LRRK1: variants seen among roughly 807,000 people sequenced by gnomAD.
The protein encoded by LRRK1 is leucine-rich repeat serine/threonine-protein kinase 1.
A neutral mutation model predicts 209.1 loss-of-function variants in LRRK1; 113 were observed. The ratio of observed to expected loss-of-function variants is 0.54; its 90% CI spans 0.46 to 0.63. LRRK1 has a LOEUF of 0.63. LRRK1 is among the 30% of genes least tolerant of loss of function. LRRK1 has a pLI of 0.00. For synonymous variants in LRRK1, 1,144 were observed against 1,099.7 expected (o/e 1.04, Z -0.80); for missense variants, 2,284 against 2,632.2 (o/e 0.87, Z 2.89).
intron 27 of LRRK1, among the ~76,000 whole-genome samples, chr15:101,056,523 A>AGAT: frequency 6.6e-6 from 1 of 152,274 alleles, no homozygotes; most frequent in East Asian, 1.9e-4. Flanking sequence ...ATAGGAAGAC[A>AGAT]GATGGATAAA....
At chr15:101,048,796 A>C (rs1567265168) in intron 22 of LRRK1, 139 bp downstream of exon 22, 1 of 640,434 alleles carries the variant, frequency 1.6e-6, no homozygotes. Context: ...AGCTTGCTAG[A>C]AATGTGAGGC....
At chr15:100,920,977 T>C (rs1334348706) in intron 1 of LRRK1, among the ~76,000 whole-genome samples, 1 of 152,120 alleles carries the variant, frequency 6.6e-6, no homozygotes, top group Non-Finnish European at 1.5e-5. Context: ...GCCTCCTGAC[T>C]CTTCACACAG....
At chr15:101,066,883 G>A (rs1272993142) in intron 33 of LRRK1, 142 bp downstream of exon 33, 14 of 787,810 alleles carry the variant, frequency 1.8e-5, no homozygotes, top group African/African-American at 3.4e-5. Flanking sequence ...AAGGCAAAGT[G>A]GAAACAAGAT....
At chr15:100,926,684 T>C (rs868470302) in intron 2 of LRRK1, among the ~76,000 whole-genome samples, 6,514 of 79,988 alleles carry the variant, frequency 0.081, 209 homozygotes, top group Non-Finnish European at 0.11. Flanking sequence ...TTTTTTCTTT[T>C]TTTTTTTTTT....
rs1334129810 is a variant in LRRK1 at position 101,014,177 on chromosome 15, C to A, written c.1420-139C>A. The A allele has an allele frequency of 4.5e-6, 3 of 661,092 alleles. No individual in the cohort carries two copies. In the South Asian group the frequency reaches 5.7e-5, roughly 12 times the overall value. The allele number at this position is 661,092 out of a possible 1,614,324, so 41.0% of individuals were successfully genotyped here. ...TTTGAAGAGGCTGCTGGGCCCCACA[C>A]AGCTGGGATCTGCGTGAAGGAAAAT... is the stretch of plus-strand genomic sequence containing the variant. On this transcript the variant is annotated intron_variant, in intron 10 of 33. Transcript: ENST00000388948.
At chr15:100,952,192 A>G (rs1171165716) in intron 2 of LRRK1, among the ~76,000 whole-genome samples, 1 of 152,202 alleles carries the variant, frequency 6.6e-6, no homozygotes, top group Non-Finnish European at 1.5e-5. Context: ...ACTGACTGGT[A>G]TAAGCGTATA....
At chr15:101,060,864 G>A (rs745856449) in intron 29 of LRRK1, among the ~76,000 whole-genome samples, 6 of 152,182 alleles carry the variant, frequency 3.9e-5, no homozygotes, top group African/African-American at 9.6e-5. Context: ...GGAGCTCCCC[G>A]CATAACAGGG....
chr15:101,049,851 C>A, intron 23 of LRRK1, 68 bp downstream of exon 23: 1 of 1,517,680 alleles, frequency 6.6e-7, no homozygotes, highest in Non-Finnish European at 8.9e-7. Flanking sequence ...GGTGGGGCTG[C>A]TGCTTTCGGG....
rs2041985266 is a variant in LRRK1, at chr15:100,919,715, G to A, written c.-123+264G>A. Among the ~76,000 whole-genome samples the A allele has an allele frequency of 6.6e-6, 1 of 152,096 alleles. No individual in the cohort carries two copies. On this transcript the variant is annotated intron_variant, in intron 1 of 33. Transcript: ENST00000388948. The surrounding 1 kb of genome is among the most constrained non-coding windows in gnomAD (Gnocchi z 5.8). ...CGCGCCCGGAGCCCAGCCAGCCTGT[G>A]GGAGGGGAGCGCGCGGGGCCCGAGC...
chr15:100,976,298 G>A (rs2031288634), intron 3 of LRRK1, among the ~76,000 whole-genome samples: 2 of 152,134 alleles, frequency 1.3e-5, no homozygotes, highest in East Asian at 3.9e-4. Flanking sequence ...CTTTAATGAA[G>A]CTAACACAAC....
intron 31 of LRRK1, among the ~76,000 whole-genome samples, chr15:101,063,747 T>G (rs1233738823): frequency 6.6e-6 from 1 of 151,988 alleles, no homozygotes; most frequent in Admixed American, 6.5e-5. Flanking sequence ...ATGAGTATTA[T>G]TATTACTTCT....
chr15:100,969,673 G>A (rs1289669063), intron 2 of LRRK1, among the ~76,000 whole-genome samples: 1 of 152,040 alleles, frequency 6.6e-6, no homozygotes, highest in African/African-American at 2.4e-5. Context: ...CAGGTGCCCA[G>A]TGTGTGTTGT....
intron 20 of LRRK1, among the ~76,000 whole-genome samples, chr15:101,037,900 C>CA (rs1452123725): frequency 2.0e-5 from 3 of 152,152 alleles, no homozygotes; most frequent in Non-Finnish European, 1.5e-5. Flanking sequence ...AGTCATTATA[C>CA]AAAAAAGATA....
rs529112533 is a variant in LRRK1 at position 100,925,259 on chromosome 15, G to T, written c.97+530G>T. On this transcript the variant is annotated intron_variant, in intron 2 of 33. Coordinates refer to ENST00000388948, the MANE Select transcript of LRRK1 (RefSeq NM_024652.6). ...TCTTCACCGTCCATCAGTGACATTT[G>T]CTTAGGGCACCACCTGGCTCCCGCA... Among the ~76,000 whole-genome samples the T allele has an allele frequency of 6.6e-5, 10 of 152,242 alleles. No individual in the cohort carries two copies. In the South Asian group the frequency reaches 2.1e-3, roughly 32 times the overall value.
Position 101,053,288 on chromosome 15 carries a change from G to A in LRRK1, c.3922G>A (p.Ala1308Thr), listed in dbSNP as rs575599729. 1.9e-6 allele frequency: 3 copies of A among 1,606,526 alleles called. No individual in the cohort carries two copies. The East Asian group carries it at 6.7e-5, about 36-fold the overall frequency. Residue 1308 changes from alanine to threonine, a missense_variant, in exon 26 of 34, where the codon GCC becomes ACC. Coordinates refer to ENST00000388948, the MANE Select transcript of LRRK1 (RefSeq NM_024652.6). Reference sequence around the variant, plus strand: ...GAACTTCTCCGAGTTCCGGCAGGAGGCCAGCATGCTGCACGCGCTGCAGCA... The same window carrying A: ...GAACTTCTCCGAGTTCCGGCAGGAGACCAGCATGCTGCACGCGCTGCAGCA... ...MKNFSEFRQE[A>T]SMLHALQHPC...
chr15:100,935,556 T>C (rs2042285497), intron 2 of LRRK1, among the ~76,000 whole-genome samples: 1 of 152,074 alleles, frequency 6.6e-6, no homozygotes, highest in African/African-American at 2.4e-5. Flanking sequence ...AGGAGCTGCA[T>C]GGTTTTATTT....
Position 101,024,552 on chromosome 15 carries a change from C to G in LRRK1, c.2068-251C>G, listed in dbSNP as rs764278314. 9.9e-5 allele frequency among the ~76,000 whole-genome samples: 15 copies of G among 152,238 alleles called. 1 individual carries two copies. Among genetic ancestry groups the G allele is most frequent in the Non-Finnish European group, 1.0e-4 (7 of 68,042 alleles). ...CAGACAGAGCCAGGCCCTCTGAAGTCTGTCCAGGGCCTGGTCTCTGCTCTG... is the reference window on the plus strand; with the variant it reads ...CAGACAGAGCCAGGCCCTCTGAAGTGTGTCCAGGGCCTGGTCTCTGCTCTG... On this transcript the variant is annotated intron_variant, in intron 15 of 33. Transcript: ENST00000388948. This position sits in a 1 kb window ranked among gnomAD's most constrained non-coding sequence, Gnocchi z 4.6.
intron 2 of LRRK1, among the ~76,000 whole-genome samples, chr15:100,965,540 A>G (rs565863111): frequency 7.9e-5 from 12 of 152,344 alleles, no homozygotes; most frequent in African/African-American, 2.6e-4. Flanking sequence ...TTACAAGCTC[A>G]GAGCTTATTG....
At chr15:101,054,483 G>C (rs2035674637) in intron 26 of LRRK1, among the ~76,000 whole-genome samples, 1 of 152,212 alleles carries the variant, frequency 6.6e-6, no homozygotes, top group Non-Finnish European at 1.5e-5. Flanking sequence ...TGGCAGTCTG[G>C]TGAATAGTGA....
Sources: gnomAD v4.1 joint callset for allele counts (sites outside exome capture counted in the v4.1 genomes callset) on GRCh38, gnomAD v4.1.1 for gene constraint, Gnocchi (gnomAD v3.1) non-coding constraint, MANE v1.5 for transcripts, NCBI Gene and HGNC (gene_info 2026-07-23, HGNC 2026-07-21) for gene names.